The following DNM3 variants were observed in gnomAD, a reference collection of about 807,000 sequenced individuals.
DNM3 encodes dynamin-3.
DNM3 carries 47 observed loss-of-function variants against 101.6 expected under a neutral mutation model. The observed-to-expected ratio is 0.46, with a 90% CI of 0.37 to 0.59. The LOEUF is 0.59. Ranked by LOEUF, DNM3 falls within the 20% of genes least tolerant of loss-of-function variation. The pLI, the probability that DNM3 is intolerant of heterozygous loss-of-function variation, is 0.00. For synonymous variants in DNM3, 385 were observed against 387.9 expected (o/e 0.99, Z 0.09); for missense variants, 849 against 1,085.7 (o/e 0.78, Z 3.06).
chr1:171,990,418 T>A (rs138407079), intron 4 of DNM3, among the ~76,000 whole-genome samples: 422 of 152,278 alleles, frequency 2.8e-3, no homozygotes, highest in African/African-American at 9.8e-3. Context: ...TTAGGTTCTA[T>A]GAGTATTTTC....
At chr1:172,364,011 G>C (rs1442629349) in intron 17 of DNM3, among the ~76,000 whole-genome samples, 1 of 151,828 alleles carries the variant, frequency 6.6e-6, no homozygotes, top group Non-Finnish European at 1.5e-5. Flanking sequence ...ATTACACTTA[G>C]AGGCTATACC....
chr1:172,265,966 G>A (rs1361931963), intron 15 of DNM3, among the ~76,000 whole-genome samples: 1 of 152,126 alleles, frequency 6.6e-6, no homozygotes, highest in Non-Finnish European at 1.5e-5. Context: ...ATATTACCAA[G>A]TGTTCCAATT....
At chr1:172,281,333 C>T (rs2063483276) in intron 15 of DNM3, among the ~76,000 whole-genome samples, 1 of 152,098 alleles carries the variant, frequency 6.6e-6, no homozygotes, top group Non-Finnish European at 1.5e-5. Context: ...ATGAACTCTA[C>T]ACTTGAAATC....
intron 17 of DNM3, among the ~76,000 whole-genome samples, chr1:172,356,838 A>C (rs1219909741): frequency 6.6e-6 from 1 of 152,044 alleles, no homozygotes; most frequent in Non-Finnish European, 1.5e-5. Context: ...ATCCTTGGAG[A>C]AATTCCAGGA....
At chr1:172,002,434 T>G (rs2046411220) in intron 4 of DNM3, among the ~76,000 whole-genome samples, 1 of 152,112 alleles carries the variant, frequency 6.6e-6, no homozygotes, top group Non-Finnish European at 1.5e-5. Context: ...CAATTCATTG[T>G]TCTTTTAAAT....
At chr1:171,854,586 T>G (rs760240712) in intron 1 of DNM3, among the ~76,000 whole-genome samples, 6 of 152,102 alleles carry the variant, frequency 3.9e-5, no homozygotes, top group Non-Finnish European at 8.8e-5. Context: ...TTCTTACTAT[T>G]TAATGCCCAT....
chr1:172,221,994 C>G (rs949120800), intron 14 of DNM3, among the ~76,000 whole-genome samples: 3 of 152,070 alleles, frequency 2.0e-5, no homozygotes, highest in African/African-American at 2.4e-5. Context: ...CATCAAGTAG[C>G]TGAGGAATTC....
chr1:172,357,664 A>G (rs2067520870), intron 17 of DNM3, among the ~76,000 whole-genome samples: 1 of 152,106 alleles, frequency 6.6e-6, no homozygotes. Context: ...TTACAATGTC[A>G]ATTTCCTTAT....
chr1:172,370,944 A>G (rs1418695340), intron 17 of DNM3, among the ~76,000 whole-genome samples: 1 of 152,014 alleles, frequency 6.6e-6, no homozygotes, highest in Non-Finnish European at 1.5e-5. Flanking sequence ...GCAAATCTAT[A>G]TATCTTTCTT....
At chr1:172,114,331 G>A (rs112454480) in intron 13 of DNM3, among the ~76,000 whole-genome samples, 1,730 of 152,252 alleles carry the variant, frequency 0.011, 36 homozygotes, top group African/African-American at 0.039. Flanking sequence ...TAGCCAGTGC[G>A]GCTGAAACAT....
At chr1:171,954,065 G>A (rs983928123) in intron 2 of DNM3, among the ~76,000 whole-genome samples, 2 of 152,136 alleles carry the variant, frequency 1.3e-5, no homozygotes, top group Non-Finnish European at 2.9e-5. Context: ...TTCTGTTGTG[G>A]ACATTAACCT....
intron 4 of DNM3, among the ~76,000 whole-genome samples, chr1:171,994,804 G>A (rs1272810047): frequency 6.6e-6 from 1 of 151,344 alleles, no homozygotes; most frequent in Admixed American, 6.6e-5. Context: ...AATTTTTTCT[G>A]GGGAAAGAGG....
chr1:171,978,006 T>C (rs866773410), intron 2 of DNM3, among the ~76,000 whole-genome samples: 2 of 152,196 alleles, frequency 1.3e-5, no homozygotes, highest in South Asian at 2.1e-4. Flanking sequence ...TCATTTTTTT[T>C]CCCTTATCCA....
intron 16 of DNM3, among the ~76,000 whole-genome samples, chr1:172,316,034 G>A (rs2065332518): frequency 6.6e-6 from 1 of 152,158 alleles, no homozygotes; most frequent in Admixed American, 6.5e-5. Flanking sequence ...ACTAACGGCG[G>A]ATCTCTCGGC....
At chr1:172,253,534 CCTCTCCTCTCCCTCT>C in intron 14 of DNM3, 24 bp from the exon 15 acceptor site, 1 of 904,504 alleles carries the variant, frequency 1.1e-6, no homozygotes, top group Non-Finnish European at 1.6e-6. Flanking sequence ...CCTCTCCTCT[CCTCTCCTCTCCCTCT>C]TTTCTTTCTC....
chr1:172,235,594 C>A (rs1284879417), intron 14 of DNM3, among the ~76,000 whole-genome samples: 1 of 152,144 alleles, frequency 6.6e-6, no homozygotes. Context: ...TTGGAACAAC[C>A]AAAATGTCCA....
intron 13 of DNM3, among the ~76,000 whole-genome samples, chr1:172,095,433 A>G (rs894749535): frequency 1.3e-5 from 2 of 152,250 alleles, no homozygotes; most frequent in South Asian, 2.1e-4. Context: ...CCAATAATGT[A>G]TACATGATAC....
intron 14 of DNM3, among the ~76,000 whole-genome samples, chr1:172,202,495 T>C (rs929814401): frequency 4.6e-5 from 7 of 152,200 alleles, no homozygotes; most frequent in Non-Finnish European, 8.8e-5. Context: ...TTATTACCCA[T>C]ATATACTTTT....
chr1:172,317,547 T>G (rs1359045171), intron 16 of DNM3, among the ~76,000 whole-genome samples: 4 of 151,964 alleles, frequency 2.6e-5, no homozygotes, highest in Admixed American at 6.6e-5. Flanking sequence ...TAAAAAATGA[T>G]AAAGGGGATA....
Sources: gnomAD v4.1 joint callset for allele counts (sites outside exome capture counted in the v4.1 genomes callset) on GRCh38, gnomAD v4.1.1 for gene constraint, MANE v1.5 for transcripts, NCBI Gene and HGNC (gene_info 2026-07-23, HGNC 2026-07-21) for gene names.